The following NUP210 variants were observed in gnomAD, a reference collection of about 807,000 sequenced individuals.
The protein encoded by NUP210 is nucleoporin 210, also known as nuclear pore membrane glycoprotein 210.
In NUP210, 151 loss-of-function variants were observed where a neutral mutation model predicts 196.0. The ratio of observed to expected loss-of-function variants is 0.77; its 90% CI spans 0.67 to 0.88. The LOEUF (loss-of-function observed/expected upper bound fraction) is 0.88, where lower values mean the gene tolerates loss of function less well. Ranked by LOEUF, NUP210 falls within the 40% of genes least tolerant of loss-of-function variation. NUP210 has a pLI of 0.00. For missense variants in NUP210, 2,314 were observed against 2,493.7 expected (o/e 0.93, Z 1.53); for synonymous variants, 1,070 against 1,052.7 (o/e 1.02, Z -0.32).
chr3:13,381,845 C>T (rs1699112186), intron 6 of NUP210, among the ~76,000 whole-genome samples: 2 of 152,150 alleles, frequency 1.3e-5, no homozygotes, highest in South Asian at 4.2e-4. Flanking sequence ...TTGTTTCTGT[C>T]AGCGCCCCCA....
At chr3:13,408,287 T>A (rs1417184007) in intron 1 of NUP210, among the ~76,000 whole-genome samples, 1 of 152,218 alleles carries the variant, frequency 6.6e-6, no homozygotes, top group Non-Finnish European at 1.5e-5. Context: ...TTTTAAAAAA[T>A]TGTGCTTTTG....
chr3:13,416,064 G>A lies in NUP210; in HGVS notation c.167+3996C>T, dbSNP rs148027349. Among the ~76,000 whole-genome samples, 317 of 152,280 alleles carry A rather than the reference G, an allele frequency of 2.1e-3. 2 individuals carry two copies. The highest frequency in any genetic ancestry group is 7.5e-3 in the African/African-American group (310 of 41,544). ...AGCATGCCCCAAGGCCAAGCTCCAC[G>A]GCATAGGGACCAGTGCCCTCCCTGG... On this transcript the variant is annotated intron_variant, in intron 1 of 39. Coordinates refer to ENST00000254508, the MANE Select transcript of NUP210 (RefSeq NM_024923.4).
At chr3:13,330,089 G>C (rs957719903) in intron 30 of NUP210, among the ~76,000 whole-genome samples, 4 of 152,258 alleles carry the variant, frequency 2.6e-5, no homozygotes, top group Admixed American at 2.6e-4. Context: ...GGCTGGCCCA[G>C]AACAGGAGCT....
rs146922248 is a variant in NUP210, at chr3:13,372,020, C to T, written c.1600G>A (p.Glu534Lys). Residue 534 changes from glutamate to lysine, a missense_variant, in exon 13 of 40, where the codon GAG (glutamate) becomes AAG (lysine). Glu to Lys is a moderately conservative substitution (Grantham distance 56). Transcript: ENST00000254508. The part of the protein sequence containing the change: ...HFGEMKVYVI[E>K]PHSMEFAPCQ... ...GGGGCAAACTCCATGCTGTGGGGCT[C>T]GATCACATACACCTGGAAGACAGGG... 30 of 1,579,404 alleles carry T rather than the reference C, an allele frequency of 1.9e-5. No individual in the cohort carries two copies. Among genetic ancestry groups the T allele is most frequent in the East Asian group, 1.6e-4 (7 of 43,508 alleles).
intron 28 of NUP210, among the ~76,000 whole-genome samples, chr3:13,333,286 T>C (rs1697074656): frequency 2.0e-5 from 3 of 152,220 alleles, no homozygotes; most frequent in African/African-American, 7.2e-5. Context: ...AAGTCCCCTC[T>C]CTCAGGCCCC....
intron 1 of NUP210, among the ~76,000 whole-genome samples, chr3:13,412,674 A>G (rs1428789755): frequency 6.6e-6 from 1 of 151,636 alleles, no homozygotes; most frequent in Non-Finnish European, 1.5e-5. Flanking sequence ...AGATCTTGCC[A>G]CTGTACTCCA....
chr3:13,390,120 C>T (rs916121723), intron 4 of NUP210, among the ~76,000 whole-genome samples: 6 of 152,138 alleles, frequency 3.9e-5, no homozygotes, highest in African/African-American at 7.2e-5. Context: ...GGTCTGAAGA[C>T]GGCCGGCAAC....
rs531665722 is a variant in NUP210, at chr3:13,341,680, AC to A, written c.3228+67del. ...TCTCTACAGTAGCTTCCTGGACTGT[AC>A]TATAAAGACACTCCCAACCCCCAGC... On this transcript the variant is annotated intron_variant, in intron 23 of 39. Coordinates refer to ENST00000254508, the MANE Select transcript of NUP210 (RefSeq NM_024923.4). 3.2e-6 allele frequency: 5 copies of A among 1,555,916 alleles called. No individual in the cohort carries two copies. In the South Asian group the frequency reaches 5.7e-5, roughly 18 times the overall value.
At chr3:13,391,151 C>T in intron 4 of NUP210, 60 bp downstream of exon 4, 2 of 1,219,428 alleles carry the variant, frequency 1.6e-6, no homozygotes, top group Middle Eastern at 2.0e-4. Context: ...GAGGAGCTCA[C>T]AGGTGTCCCC....
At chr3:13,406,552 G>A (rs1439854957) in intron 1 of NUP210, among the ~76,000 whole-genome samples, 1 of 152,158 alleles carries the variant, frequency 6.6e-6, no homozygotes, top group Non-Finnish European at 1.5e-5. Context: ...TGCACATAGG[G>A]CTCACTGGCT....
At chr3:13,349,756 C>T (rs903844237) in intron 20 of NUP210, among the ~76,000 whole-genome samples, 2 of 152,338 alleles carry the variant, frequency 1.3e-5, no homozygotes, top group Middle Eastern at 3.4e-3. Flanking sequence ...AAGTCCAAGC[C>T]TAAGCACACT....
At position 13,373,872 on chromosome 3, in the gene NUP210, G is replaced by A. The variant is rs989978932; in HGVS notation, c.1433C>T (p.Ala478Val). ...KTGAYQYTIR[A>V]HGGSGNFSWS... ...GCTGAAGTTCCCACTGCCACCGTGGGCCTGCGGAGGAAAAGCCATCACAGG... is the reference window on the plus strand; with the variant it reads ...GCTGAAGTTCCCACTGCCACCGTGGACCTGCGGAGGAAAAGCCATCACAGG... Residue 478 changes from alanine (A) to valine (V), a missense_variant and splice_region_variant, in exon 12 of 40, where the codon GCC becomes GTC. Ala to Val is a moderately conservative substitution (Grantham distance 64). Transcript: ENST00000254508. 1 of 1,612,784 alleles carries A rather than the reference G, an allele frequency of 6.2e-7. No homozygotes were observed. Among genetic ancestry groups the A allele is most frequent in the African/African-American group, 1.3e-5 (1 of 75,012 alleles).
In NUP210 at chr3:13,323,280, G is replaced by A; in HGVS notation, c.4768+29C>T. 1 of 1,613,694 alleles carries A rather than the reference G, an allele frequency of 6.2e-7. No homozygotes were observed. Among genetic ancestry groups the A allele is most frequent in the South Asian group, 1.1e-5 (1 of 91,046 alleles). The stretch of plus-strand genomic sequence containing the variant: ...CCACCTCCCCGCTCCCAGGTACTCT[G>A]AAGACAGCCCAAGCCCCTCATTAAG... On this transcript the variant is annotated intron_variant, in intron 34 of 39. Transcript: ENST00000254508. The surrounding 1 kb of genome is among the most constrained non-coding windows in gnomAD (Gnocchi z 4.3).
intron 14 of NUP210, among the ~76,000 whole-genome samples, chr3:13,365,149 C>T (rs752971194): frequency 6.6e-6 from 1 of 152,180 alleles, no homozygotes; most frequent in Non-Finnish European, 1.5e-5. Flanking sequence ...GCATGGCAGC[C>T]CTCGCACGGA....
intron 13 of NUP210, among the ~76,000 whole-genome samples, chr3:13,366,611 G>A (rs1430351634): frequency 6.7e-6 from 1 of 149,312 alleles, no homozygotes; most frequent in Admixed American, 6.7e-5. Flanking sequence ...TCCACCTCCC[G>A]GCTTCAAGCG....
At chr3:13,397,272 T>G (rs1576417267) in intron 3 of NUP210, 85 bp downstream of exon 3, 8 of 1,464,930 alleles carry the variant, frequency 5.5e-6, no homozygotes, top group South Asian at 5.2e-5. Flanking sequence ...GCCAGAGGAG[T>G]GGGGAATGCA....
At chr3:13,413,283 T>C (rs1016656765) in intron 1 of NUP210, among the ~76,000 whole-genome samples, 17 of 151,740 alleles carry the variant, frequency 1.1e-4, no homozygotes, top group Admixed American at 7.9e-4. Flanking sequence ...CTGGCTAACA[T>C]GGTGAAACCC....
In NUP210 at chr3:13,323,971, C is replaced by T. The variant is rs1189513199; in HGVS notation, c.4645-539G>A. On this transcript the variant is annotated intron_variant, in intron 33 of 39. Coordinates refer to ENST00000254508, the MANE Select transcript of NUP210 (RefSeq NM_024923.4). The surrounding 1 kb of genome is among the most constrained non-coding windows in gnomAD (Gnocchi z 4.3). ...AAGGCCACTTCCTGCAGCTGAAGGC[C>T]CCCCTCCCTCTCTCAGCAGGCACCA... Among the ~76,000 whole-genome samples the T allele has an allele frequency of 6.6e-6, 1 of 152,180 alleles. No individual in the cohort carries two copies. The highest frequency in any genetic ancestry group is 2.4e-5 in the African/African-American group (1 of 41,436).
At chr3:13,343,485 G>C (rs957193483) in intron 20 of NUP210, among the ~76,000 whole-genome samples, 182 bp from the exon 21 acceptor site, 7 of 152,348 alleles carry the variant, frequency 4.6e-5, no homozygotes, top group Admixed American at 4.6e-4. Context: ...ATCACCCCAA[G>C]TAGTGCCCTG....
Sources: allele counts gnomAD v4.1 joint callset (sites outside exome capture counted in the v4.1 genomes callset), GRCh38; gene constraint gnomAD v4.1.1; non-coding constraint Gnocchi (gnomAD v3.1); transcripts MANE v1.5; gene names NCBI Gene and HGNC (gene_info 2026-07-23, HGNC 2026-07-21).